Variants in IPCEF1 observed in about 807,000 individuals in gnomAD.
The protein encoded by IPCEF1 is interactor protein for cytohesin exchange factors 1.
In IPCEF1, 31 loss-of-function variants were observed where a neutral mutation model predicts 50.9. The observed-to-expected ratio is 0.61, with a 90% confidence interval of 0.46 to 0.82. The LOEUF is 0.82. Ranked by LOEUF, IPCEF1 falls within the 40% of genes least tolerant of loss-of-function variation. IPCEF1 has a pLI of 0.00. For missense variants in IPCEF1, 458 were observed against 514.0 expected, an observed-to-expected ratio of 0.89 and a Z score of 1.05; for synonymous variants, 181 against 192.0, an observed-to-expected ratio of 0.94 and a Z score of 0.47.
intron 3 of IPCEF1, among the ~76,000 whole-genome samples, chr6:154,257,166 T>C (rs183234778): frequency 1.8e-3 from 274 of 152,314 alleles, no homozygotes; most frequent in African/African-American, 6.3e-3. Context: ...CCTGTGTCTG[T>C]ATCTCCTTCC....
At chr6:154,235,523 C>T (rs1199159923) in intron 5 of IPCEF1, among the ~76,000 whole-genome samples, 4 of 112,840 alleles carry the variant, frequency 3.5e-5, no homozygotes, top group East Asian at 2.6e-4. Flanking sequence ...AAGAGCAAAA[C>T]TCTGTCACAA....
chr6:154,306,175 C>G (rs1460465877), intron 1 of IPCEF1, among the ~76,000 whole-genome samples: 1 of 152,290 alleles, frequency 6.6e-6, no homozygotes, highest in East Asian at 1.9e-4. Flanking sequence ...ACGTCACTTA[C>G]ATTAACCTCA....
chr6:154,257,351 C>A (rs1316687811), intron 3 of IPCEF1, among the ~76,000 whole-genome samples: 2 of 152,214 alleles, frequency 1.3e-5, no homozygotes, highest in Admixed American at 1.3e-4. Flanking sequence ...TATCCCTTAA[C>A]CTGCAGGCAG....
At chr6:154,320,121 C>G (rs1462660291) in intron 1 of IPCEF1, among the ~76,000 whole-genome samples, 1 of 151,814 alleles carries the variant, frequency 6.6e-6, no homozygotes, top group Non-Finnish European at 1.5e-5. Context: ...CATTTTTATT[C>G]AAAAGTTATC....
intron 3 of IPCEF1, among the ~76,000 whole-genome samples, chr6:154,265,511 C>T (rs1781733280): frequency 1.3e-5 from 2 of 152,000 alleles, no homozygotes; most frequent in African/African-American, 4.8e-5. Flanking sequence ...AATCTCCTGA[C>T]CTTGTGATCT....
At position 154,159,816 on chromosome 6, in the gene IPCEF1, C is replaced by T. The variant is rs1257278903; in HGVS notation, c.*12G>A. ...GTGATAAAATATAAGAGGAGAAAAC[C>T]CTGACTTTGTCTCAAATGGAATTTT... On this transcript the variant is annotated 3_prime_UTR_variant, in exon 12 of 12. Transcript: ENST00000367220. 6.3e-7 allele frequency: 1 copy of T among 1,597,190 alleles called. No homozygotes were observed. Among genetic ancestry groups the T allele is most frequent in the Non-Finnish European group, 8.6e-7 (1 of 1,168,146 alleles).
chr6:154,216,393 C>T (rs767338063), intron 7 of IPCEF1, among the ~76,000 whole-genome samples: 2 of 151,962 alleles, frequency 1.3e-5, no homozygotes, highest in Non-Finnish European at 2.9e-5. Flanking sequence ...TTTGAAATTA[C>T]AAATTTCCAA....
chr6:154,227,456 C>T (rs149928157), intron 5 of IPCEF1, among the ~76,000 whole-genome samples: 330 of 152,222 alleles, frequency 2.2e-3, no homozygotes, highest in Non-Finnish European at 3.6e-3. Flanking sequence ...CACTGGCTCA[C>T]GCCTGTAATC....
At position 154,154,674 on chromosome 6, in the gene IPCEF1, C is replaced by G. The variant is rs890381650; in HGVS notation, c.*5154G>C. 1.3e-5 allele frequency: 2 copies of G among 152,214 alleles called. No homozygotes were observed. Among genetic ancestry groups the G allele is most frequent in the Non-Finnish European group, 2.9e-5 (2 of 68,024 alleles). The allele number at this position is 152,214 out of a possible 1,614,324, so 9.4% of individuals were successfully genotyped here. ...AACACTGCAGGACAAAAATGAACACCAGTAGTATATTTCAACTTTTTTTTC... is the reference window on the plus strand; with the variant it reads ...AACACTGCAGGACAAAAATGAACACGAGTAGTATATTTCAACTTTTTTTTC... On this transcript the variant is annotated 3_prime_UTR_variant, in exon 12 of 12. Transcript: ENST00000367220.
intron 1 of IPCEF1, among the ~76,000 whole-genome samples, chr6:154,314,809 A>C (rs1335389013): frequency 1.3e-5 from 2 of 152,190 alleles, no homozygotes; most frequent in Admixed American, 6.5e-5. Flanking sequence ...CTCAGGGATA[A>C]GCACTCATAG....
At chr6:154,356,283 C>G (rs1328606828) in intron 1 of IPCEF1, among the ~76,000 whole-genome samples, 1 of 152,120 alleles carries the variant, frequency 6.6e-6, no homozygotes, top group Non-Finnish European at 1.5e-5. Context: ...AAGGAAGCTC[C>G]CTTGCAAAGA....
At chr6:154,339,980 C>G (rs540917536) in intron 1 of IPCEF1, among the ~76,000 whole-genome samples, 1 of 152,218 alleles carries the variant, frequency 6.6e-6, no homozygotes, top group East Asian at 1.9e-4. Context: ...CAAGAGGAAA[C>G]TGAGTGGGGA....
chr6:154,246,298 G>A (rs183989656), intron 5 of IPCEF1, among the ~76,000 whole-genome samples: 1 of 152,222 alleles, frequency 6.6e-6, no homozygotes, highest in East Asian at 1.9e-4. Context: ...ATCCCTCGTG[G>A]AATAGTAACA....
intron 11 of IPCEF1, among the ~76,000 whole-genome samples, chr6:154,161,953 TCTC>T (rs1799057956): frequency 6.6e-6 from 1 of 152,142 alleles, no homozygotes; most frequent in Admixed American, 6.5e-5. Flanking sequence ...TCAAAACTCT[TCTC>T]ATCTCAAACC....
At chr6:154,318,287 A>C (rs918090382) in intron 1 of IPCEF1, among the ~76,000 whole-genome samples, 1 of 152,206 alleles carries the variant, frequency 6.6e-6, no homozygotes, top group Non-Finnish European at 1.5e-5. Context: ...GTCAAAACTC[A>C]TGGAGCTGCA....
At chr6:154,341,355 T>A (rs141743456) in intron 1 of IPCEF1, among the ~76,000 whole-genome samples, 1 of 152,132 alleles carries the variant, frequency 6.6e-6, no homozygotes. Flanking sequence ...TCAAGAGAGA[T>A]GGAGTACAAG....
chr6:154,332,135 A>G (rs1783686183), intron 1 of IPCEF1, among the ~76,000 whole-genome samples: 2 of 152,178 alleles, frequency 1.3e-5, no homozygotes, highest in African/African-American at 2.4e-5. Context: ...TGCTAACAAA[A>G]AGTGCAATTC....
chr6:154,174,661 G>C (rs1163127322), intron 10 of IPCEF1, among the ~76,000 whole-genome samples: 1 of 152,184 alleles, frequency 6.6e-6, no homozygotes, highest in Non-Finnish European at 1.5e-5. Flanking sequence ...GGAGCACCCA[G>C]ATTCATAAAG....
intron 5 of IPCEF1, among the ~76,000 whole-genome samples, chr6:154,236,395 G>A (rs534229032): frequency 6.6e-6 from 1 of 152,300 alleles, no homozygotes; most frequent in East Asian, 1.9e-4. Context: ...ACTGGGAGGA[G>A]AAGGAATGGA....
Sources: allele counts gnomAD v4.1 joint callset (sites outside exome capture counted in the v4.1 genomes callset), GRCh38; gene constraint gnomAD v4.1.1; transcripts MANE v1.5; gene names NCBI Gene and HGNC (gene_info 2026-07-23, HGNC 2026-07-21).